Variants in SACS observed in about 807,000 individuals in gnomAD.
The protein encoded by SACS is sacsin.
A neutral mutation model predicts 348.0 loss-of-function variants in SACS; 197 were observed. The observed-to-expected ratio is 0.57, with a 90% CI of 0.50 to 0.64. SACS has a LOEUF of 0.64. Among genes scored for constraint, SACS ranks in the 30% least tolerant of loss-of-function variants. The pLI, the probability that SACS is intolerant of heterozygous loss-of-function variation, is 0.00. For missense variants in SACS, 4,999 were observed against 5,360.8 expected (o/e 0.93, Z 2.11); for synonymous variants, 1,985 against 1,910.6 (o/e 1.04, Z -1.02).
chr13:23,412,879 A>C lies in SACS; in HGVS notation c.-501-1139T>G, dbSNP rs146058221. ...TAGTCTAACATTTTAAGAAATAAAT[A>C]GAAGAAAAAAATGACAAACTTTCTT... On this transcript the variant is annotated intron_variant, in intron 1 of 9. Transcript: ENST00000382292. Among the ~76,000 whole-genome samples, 1,308 of 152,360 alleles carry C rather than the reference A, an allele frequency of 8.6e-3. 19 individuals carry two copies. Among genetic ancestry groups the C allele is most frequent in the African/African-American group, 0.03 (1,260 of 41,574 alleles).
At chr13:23,375,443 C>A in intron 2 of SACS, 174 bp from the exon 3 acceptor site, 8 of 1,184,692 alleles carry the variant, frequency 6.8e-6, no homozygotes, top group Non-Finnish European at 7.3e-6. Context: ...CCACAGGCCC[C>A]GCGCGGGCCG....
chr13:23,357,749 AT>A (rs1207998392), intron 7 of SACS, among the ~76,000 whole-genome samples: 5 of 41,998 alleles, frequency 1.2e-4, no homozygotes, highest in Admixed American at 3.6e-4. Context: ...AGTATTTCCT[AT>A]TGTTAACTAG....
intron 6 of SACS, among the ~76,000 whole-genome samples, chr13:23,361,789 A>G (rs1254633609): frequency 3.0e-5 from 4 of 133,626 alleles, no homozygotes; most frequent in Non-Finnish European, 6.1e-5. Flanking sequence ...AAAAAGAAGG[A>G]AAAAAAAAAA....
intron 7 of SACS, among the ~76,000 whole-genome samples, chr13:23,357,688 G>A (rs1326748125): frequency 6.6e-6 from 1 of 152,132 alleles, no homozygotes; most frequent in Non-Finnish European, 1.5e-5. Flanking sequence ...AGTACTAAGA[G>A]CTTTGATTCT....
At chr13:23,391,846 C>T (rs1243827107) in intron 2 of SACS, among the ~76,000 whole-genome samples, 3 of 143,210 alleles carry the variant, frequency 2.1e-5, no homozygotes, top group South Asian at 2.4e-4. Context: ...CAGGAAAGTA[C>T]TGCAAAGTGC....
At chr13:23,342,789 TG>T (rs558823761) in intron 9 of SACS, among the ~76,000 whole-genome samples, 37 of 152,332 alleles carry the variant, frequency 2.4e-4, no homozygotes, top group African/African-American at 8.4e-4. Flanking sequence ...CAGAGCTTTC[TG>T]AAGCTGAGGC....
chr13:23,425,292 G>A (rs1212537006), intron 1 of SACS, among the ~76,000 whole-genome samples: 6 of 151,596 alleles, frequency 4.0e-5, no homozygotes, highest in Non-Finnish European at 7.4e-5. Flanking sequence ...GTTTCCACCC[G>A]GGACCTGAAT....
chr13:23,349,315 G>C (rs959219285), intron 9 of SACS, among the ~76,000 whole-genome samples: 1 of 152,196 alleles, frequency 6.6e-6, no homozygotes, highest in African/African-American at 2.4e-5. Flanking sequence ...ATTCATTCTT[G>C]AGCAATCTTG....
intron 3 of SACS, among the ~76,000 whole-genome samples, chr13:23,374,766 T>C (rs753034059): frequency 2.6e-5 from 4 of 152,126 alleles, no homozygotes; most frequent in Admixed American, 1.3e-4. Context: ...GTGAAGATAT[T>C]TACCAACATT....
Position 23,411,423 on chromosome 13 carries a change from C to G in SACS, c.-184G>C. 3.1e-6 allele frequency: 2 copies of G among 640,954 alleles called. No homozygotes were observed. The highest frequency in any genetic ancestry group is 5.6e-6 in the Non-Finnish European group (2 of 357,670). 39.7% of individuals were successfully genotyped at this position (640,954 alleles called of 1,614,324 possible). ...ATCATCTGATGTCAGGAAACATTGT[C>G]GTGTGTTGCATTTGTATTCCTTAAA... On this transcript the variant is annotated 5_prime_UTR_variant, in exon 2 of 10. Transcript: ENST00000382292.
intron 2 of SACS, among the ~76,000 whole-genome samples, chr13:23,388,684 A>G (rs192082784): frequency 1.8e-5 from 2 of 108,266 alleles, no homozygotes; most frequent in Admixed American, 2.0e-4. Context: ...AGCCATGGGT[A>G]CACAAAAGCA....
chr13:23,367,569 T>C (rs7998874), intron 5 of SACS, among the ~76,000 whole-genome samples: 2 of 152,178 alleles, frequency 1.3e-5, no homozygotes, highest in African/African-American at 2.4e-5. Flanking sequence ...TTGATGATTA[T>C]TGGTTTTTCT....
chr13:23,343,246 T>C (rs535362379), intron 9 of SACS, among the ~76,000 whole-genome samples: 9 of 152,308 alleles, frequency 5.9e-5, no homozygotes, highest in Admixed American at 5.2e-4. Context: ...GTATAACATT[T>C]ATAATATCAG....
intron 1 of SACS, among the ~76,000 whole-genome samples, chr13:23,429,374 T>G (rs1219463891): frequency 8.0e-6 from 1 of 125,562 alleles, no homozygotes; most frequent in African/African-American, 3.3e-5. Flanking sequence ...TTTTTTTTTT[T>G]TTTTTTGAGA....
At chr13:23,379,872 C>A (rs1425667521) in intron 2 of SACS, among the ~76,000 whole-genome samples, 1 of 152,186 alleles carries the variant, frequency 6.6e-6, no homozygotes, top group Non-Finnish European at 1.5e-5. Flanking sequence ...CCTGGGCTAC[C>A]ACCATGGCTT....
At chr13:23,361,688 A>T in intron 6 of SACS, among the ~76,000 whole-genome samples, 1 of 152,162 alleles carries the variant, frequency 6.6e-6, no homozygotes, top group East Asian at 1.9e-4. Context: ...AAGGCAGGAG[A>T]ATCCCTTGAA....
At chr13:23,375,989 C>T (rs1459391527) in intron 2 of SACS, among the ~76,000 whole-genome samples, 1 of 151,952 alleles carries the variant, frequency 6.6e-6, no homozygotes, top group African/African-American at 2.4e-5. Flanking sequence ...TAGTGGCCTC[C>T]GAGAAGGGAA....
chr13:23,330,141 C>T lies in SACS; in HGVS notation c.13735G>A (p.Val4579Met), dbSNP rs571999908. 62 of 1,613,504 alleles carry T rather than the reference C, an allele frequency of 3.8e-5. 1 individual carries two copies. The South Asian group carries it at 6.0e-4, about 16-fold the overall frequency. Residue 4579 changes from valine to methionine, a missense_variant, in exon 10 of 10, where the codon GTG becomes ATG. Val to Met is a conservative substitution (Grantham distance 21). Around this residue, in one of 6 missense-constraint regions of SACS, gnomAD observed 254 missense variants for 275.1 expected, o/e 0.92. Transcript: ENST00000382292. Reference protein sequence around the residue: ...IKLENFMQQKV With the variant: ...IKLENFMQQKM ...TTTTTTTTCGTTAAATATCTTCACA[C>T]TTTTTGTTGCATAAAATTTTCAAGT...
intron 1 of SACS, among the ~76,000 whole-genome samples, chr13:23,432,289 A>T (rs976479567): frequency 1.3e-5 from 2 of 152,246 alleles, no homozygotes; most frequent in Non-Finnish European, 2.9e-5. Context: ...AGTTCTTATA[A>T]ACCAAGTAAG....
Sources: gnomAD v4.1 joint callset for allele counts (sites outside exome capture counted in the v4.1 genomes callset) on GRCh38, gnomAD v4.1.1 for gene constraint, gnomAD v4.1.1 regional missense constraint, MANE v1.5 for transcripts, NCBI Gene and HGNC (gene_info 2026-07-23, HGNC 2026-07-21) for gene names.